Variants in LRFN2 observed in about 807,000 individuals in gnomAD.
LRFN2 encodes the protein leucine-rich repeat and fibronectin type-III domain-containing protein 2.
A neutral mutation model predicts 37.3 loss-of-function variants in LRFN2; 18 were observed. That is an observed-to-expected ratio of 0.48 (90% CI 0.33 to 0.72). The LOEUF is 0.72. LRFN2 is among the 30% of genes least tolerant of loss of function. LRFN2 has a pLI of 0.02. For synonymous variants in LRFN2, 556 were observed against 466.6 expected (o/e 1.19, Z -2.47); for missense variants, 1,006 against 1,060.7 (o/e 0.95, Z 0.72).
intron 1 of LRFN2, among the ~76,000 whole-genome samples, chr6:40,500,603 G>A (rs1765355270): frequency 6.6e-6 from 1 of 152,246 alleles, no homozygotes; most frequent in African/African-American, 2.4e-5. Flanking sequence ...GTTCATCATA[G>A]TGTTGTTTGT....
At chr6:40,475,436 G>A (rs563856020) in intron 1 of LRFN2, among the ~76,000 whole-genome samples, 1 of 152,230 alleles carries the variant, frequency 6.6e-6, no homozygotes, top group Non-Finnish European at 1.5e-5. Context: ...GGAAGGTGTG[G>A]GGAGGGCAAA....
intron 2 of LRFN2, among the ~76,000 whole-genome samples, chr6:40,427,411 C>T (rs1344258750): frequency 6.6e-6 from 1 of 152,202 alleles, no homozygotes; most frequent in Non-Finnish European, 1.5e-5. Context: ...GACTCACAGC[C>T]AGCAGAAACT....
At chr6:40,425,947 GT>G (rs1763344623) in intron 2 of LRFN2, among the ~76,000 whole-genome samples, 2 of 152,222 alleles carry the variant, frequency 1.3e-5, no homozygotes, top group Non-Finnish European at 2.9e-5. Flanking sequence ...AGACCCTGAT[GT>G]TTTCAGACAT....
At chr6:40,435,338 T>A (rs896310161) in intron 1 of LRFN2, among the ~76,000 whole-genome samples, 8 of 151,402 alleles carry the variant, frequency 5.3e-5, no homozygotes, top group Admixed American at 4.0e-4. Flanking sequence ...TTATTTTTAT[T>A]TTTGTAGAGT....
intron 1 of LRFN2, among the ~76,000 whole-genome samples, chr6:40,526,606 T>C (rs1255876791): frequency 1.3e-5 from 2 of 152,194 alleles, no homozygotes; most frequent in Non-Finnish European, 2.9e-5. Context: ...CTCTGTCCAC[T>C]GTGAGGGCTA....
intron 1 of LRFN2, among the ~76,000 whole-genome samples, chr6:40,460,372 C>T (rs1191205481): frequency 2.6e-5 from 4 of 152,134 alleles, no homozygotes; most frequent in South Asian, 4.1e-4. Flanking sequence ...CCCGGATTTG[C>T]ATGCTCCTTT....
chr6:40,543,333 A>C (rs1581787253), intron 1 of LRFN2, among the ~76,000 whole-genome samples: 1 of 152,358 alleles, frequency 6.6e-6, no homozygotes, highest in East Asian at 1.9e-4. Context: ...ATATGTATGC[A>C]CCGTCATGTA....
chr6:40,400,066 G>C (rs1422896838), intron 2 of LRFN2, among the ~76,000 whole-genome samples: 1 of 151,770 alleles, frequency 6.6e-6, no homozygotes, highest in East Asian at 1.9e-4. Context: ...TTTAAGGCCT[G>C]ACTCATAAAT....
chr6:40,484,597 G>A (rs545543129), intron 1 of LRFN2, among the ~76,000 whole-genome samples: 1 of 152,158 alleles, frequency 6.6e-6, no homozygotes, highest in South Asian at 2.1e-4. Flanking sequence ...AGGGGCAGGG[G>A]TCTTGGCTCT....
At chr6:40,540,001 T>C (rs1173503355) in intron 1 of LRFN2, among the ~76,000 whole-genome samples, 1 of 152,144 alleles carries the variant, frequency 6.6e-6, no homozygotes, top group Non-Finnish European at 1.5e-5. Context: ...CTGGCAAAGC[T>C]GCCACAGTGG....
intron 1 of LRFN2, among the ~76,000 whole-genome samples, chr6:40,565,302 A>G (rs1282039439): frequency 6.6e-6 from 1 of 152,166 alleles, no homozygotes; most frequent in Non-Finnish European, 1.5e-5. Context: ...GAAAATGGCC[A>G]TACTGCCCAA....
At chr6:40,584,154 CA>C (rs1301844789) in intron 1 of LRFN2, among the ~76,000 whole-genome samples, 16 of 152,188 alleles carry the variant, frequency 1.1e-4, no homozygotes, top group African/African-American at 3.6e-4. Context: ...GCTCCCTGGA[CA>C]GGGGGAAGTT....
intron 1 of LRFN2, among the ~76,000 whole-genome samples, chr6:40,441,982 T>A (rs1405250191): frequency 6.6e-6 from 1 of 152,158 alleles, no homozygotes; most frequent in African/African-American, 2.4e-5. Flanking sequence ...ACCAGGGCCT[T>A]GCCGGGCCTT....
chr6:40,476,408 C>G (rs1478454240), intron 1 of LRFN2, among the ~76,000 whole-genome samples: 1 of 152,212 alleles, frequency 6.6e-6, no homozygotes, highest in East Asian at 1.9e-4. Context: ...TCTCCCCAAC[C>G]TCACTGTAAG....
intron 2 of LRFN2, among the ~76,000 whole-genome samples, chr6:40,401,357 T>C (rs2436725): frequency 0.97 from 147,897 of 152,188 alleles, 71,989 homozygotes; most frequent in East Asian, 1. Flanking sequence ...CTGGGCCAGG[T>C]CTTCAGTAGC....
chr6:40,502,478 T>G (rs576997489), intron 1 of LRFN2: 1 of 152,318 alleles, frequency 6.6e-6, no homozygotes, highest in East Asian at 1.9e-4. Flanking sequence ...AGTGCGCCCA[T>G]GCACAGGAGT....
intron 1 of LRFN2, among the ~76,000 whole-genome samples, chr6:40,574,313 C>A (rs535196307): frequency 6.6e-6 from 1 of 152,130 alleles, no homozygotes; most frequent in Non-Finnish European, 1.5e-5. Context: ...AAGTGAGGCT[C>A]AAAGAGCTAA....
intron 1 of LRFN2, among the ~76,000 whole-genome samples, chr6:40,541,288 A>G (rs1686286590): frequency 1.3e-5 from 2 of 152,152 alleles, no homozygotes; most frequent in South Asian, 4.2e-4. Flanking sequence ...CCTGTGTGGG[A>G]TGACACCTCC....
chr6:40,409,612 C>A (rs1382302372), intron 2 of LRFN2, among the ~76,000 whole-genome samples: 1 of 152,208 alleles, frequency 6.6e-6, no homozygotes, highest in Non-Finnish European at 1.5e-5. Flanking sequence ...GCCTCCTCAT[C>A]TGTCAAACGG....
Sources: allele counts gnomAD v4.1 joint callset (sites outside exome capture counted in the v4.1 genomes callset), GRCh38; gene constraint gnomAD v4.1.1; transcripts MANE v1.5; gene names NCBI Gene and HGNC (gene_info 2026-07-23, HGNC 2026-07-21).